ZDHHC14: variants seen among roughly 807,000 people sequenced by gnomAD.
ZDHHC14 encodes the protein palmitoyltransferase ZDHHC14.
A neutral mutation model predicts 47.7 loss-of-function variants in ZDHHC14; 16 were observed. The observed-to-expected ratio is 0.34, with a 90% CI of 0.23 to 0.51. ZDHHC14 has a LOEUF of 0.51. ZDHHC14 is among the 20% of genes least tolerant of loss of function. The pLI, the probability that ZDHHC14 is intolerant of heterozygous loss-of-function variation, is 0.97. For synonymous variants in ZDHHC14, 293 were observed against 278.9 expected, an observed-to-expected ratio of 1.05 and a Z score of -0.50; for missense variants, 515 against 662.5, an observed-to-expected ratio of 0.78 and a Z score of 2.44.
intron 2 of ZDHHC14, among the ~76,000 whole-genome samples, chr6:157,588,115 C>G (rs548175846): frequency 6.6e-6 from 1 of 151,930 alleles, no homozygotes; most frequent in African/African-American, 2.4e-5. Flanking sequence ...CAAAAATTAG[C>G]TGGGCGTGGT....
intron 1 of ZDHHC14, among the ~76,000 whole-genome samples, chr6:157,522,689 TAAG>T (rs1368160067): frequency 4.0e-5 from 6 of 151,576 alleles, no homozygotes; most frequent in East Asian, 1.9e-4. Flanking sequence ...CTACTCACTG[TAAG>T]AAGTTTTTTT....
chr6:157,531,716 G>A (rs1261459122), intron 1 of ZDHHC14, among the ~76,000 whole-genome samples: 14 of 152,110 alleles, frequency 9.2e-5, no homozygotes, highest in South Asian at 2.1e-4. Flanking sequence ...GCTGTGTGCC[G>A]AGTGCCTGAA....
intron 3 of ZDHHC14, among the ~76,000 whole-genome samples, chr6:157,609,901 C>T (rs1193340492): frequency 6.6e-6 from 1 of 152,218 alleles, no homozygotes; most frequent in Non-Finnish European, 1.5e-5. Context: ...TCTGCTCACC[C>T]AGGCCTGCCT....
chr6:157,408,516 G>A lies in ZDHHC14; in HGVS notation c.245+26250G>A, dbSNP rs145316253. Reference sequence around the variant, plus strand: ...CTCCCTGTGTCCATGTGTTTTCATCGTTCAGCTCCCACTTCTAAGTGAGAA... The same window carrying A: ...CTCCCTGTGTCCATGTGTTTTCATCATTCAGCTCCCACTTCTAAGTGAGAA... On this transcript the variant is annotated intron_variant, in intron 1 of 8. Transcript: ENST00000359775. 7.1e-3 allele frequency among the ~76,000 whole-genome samples: 1,081 copies of A among 152,146 alleles called. 8 individuals carry two copies. The highest frequency in any genetic ancestry group is 0.012 in the Non-Finnish European group (797 of 68,006).
chr6:157,603,776 A>T, intron 3 of ZDHHC14, among the ~76,000 whole-genome samples: 1 of 152,110 alleles, frequency 6.6e-6, no homozygotes, highest in East Asian at 1.9e-4. Flanking sequence ...GGCTGAAGGG[A>T]GGGCAGCTAC....
chr6:157,523,372 C>T (rs1781029575), intron 1 of ZDHHC14, among the ~76,000 whole-genome samples: 1 of 152,130 alleles, frequency 6.6e-6, no homozygotes, highest in African/African-American at 2.4e-5. Context: ...TTCTCTTCAG[C>T]CTTCATTGCT....
chr6:157,436,757 G>A lies in ZDHHC14; in HGVS notation c.245+54491G>A, dbSNP rs1333563062. Among the ~76,000 whole-genome samples, 4 of 152,262 alleles carry A rather than the reference G, an allele frequency of 2.6e-5. No individual in the cohort carries two copies. In the East Asian group the frequency reaches 5.8e-4, roughly 22 times the overall value. On this transcript the variant is annotated intron_variant, in intron 1 of 8. Transcript: ENST00000359775. ...TCATGGGAAGAGGGAAGCCAGGCAC[G>A]TTTGCTTCAGGAAGATGATGAGTTC...
intron 1 of ZDHHC14, among the ~76,000 whole-genome samples, chr6:157,391,604 C>A (rs1187170496): frequency 6.6e-6 from 1 of 152,204 alleles, no homozygotes; most frequent in Non-Finnish European, 1.5e-5. Flanking sequence ...CACATATGGC[C>A]ATTAATGTGG....
At chr6:157,584,329 G>C (rs143512018) in intron 2 of ZDHHC14, among the ~76,000 whole-genome samples, 2 of 152,178 alleles carry the variant, frequency 1.3e-5, no homozygotes, top group Admixed American at 6.5e-5. Context: ...TGCCAGCATA[G>C]TGACTAGGCC....
Position 157,672,831 on chromosome 6 carries a change from C to G in ZDHHC14, c.1176C>G (p.Pro392=), listed in dbSNP as rs758338315. The part of the protein sequence containing the change: ...PSLTSDELHL[P]GKPGLGTPCA... ...TCACCAGCGACGAGCTGCACCTGCCCGGGAAGCCTGGCCTGGGCACGCCCT... is the reference window on the plus strand; with the variant it reads ...TCACCAGCGACGAGCTGCACCTGCCGGGGAAGCCTGGCCTGGGCACGCCCT... The change falls in exon 9 of 9, where the codon CCC becomes CCG. Residue 392 remains proline, a synonymous_variant. Coordinates refer to ENST00000359775, the MANE Select transcript of ZDHHC14 (RefSeq NM_024630.3). The G allele has an allele frequency of 6.2e-7, 1 of 1,611,598 alleles. No homozygotes were observed. Among genetic ancestry groups the G allele is most frequent in the African/African-American group, 1.3e-5 (1 of 74,868 alleles).
At chr6:157,436,680 C>T (rs958905322) in intron 1 of ZDHHC14, among the ~76,000 whole-genome samples, 8 of 151,970 alleles carry the variant, frequency 5.3e-5, no homozygotes, top group East Asian at 3.9e-4. Context: ...AGTGAACTAA[C>T]GGAGAGGGAC....
chr6:157,644,632 C>G (rs1421090864), intron 5 of ZDHHC14, among the ~76,000 whole-genome samples: 2 of 152,194 alleles, frequency 1.3e-5, no homozygotes, highest in Non-Finnish European at 2.9e-5. Context: ...TGTGCTCAGC[C>G]CTCTGGTCTA....
chr6:157,494,469 C>T (rs748378903), intron 1 of ZDHHC14, among the ~76,000 whole-genome samples: 1 of 152,204 alleles, frequency 6.6e-6, no homozygotes, highest in African/African-American at 2.4e-5. Context: ...CTGATTTCCA[C>T]TTGAAAGATG....
chr6:157,512,495 CA>C lies in ZDHHC14; in HGVS notation c.246-30089del, dbSNP rs529548539. Among the ~76,000 whole-genome samples the C allele has an allele frequency of 1.3e-4, 20 of 152,338 alleles. 1 individual carries two copies. In the East Asian group the frequency reaches 3.5e-3, roughly 26 times the overall value. On this transcript the variant is annotated intron_variant, in intron 1 of 8. Transcript: ENST00000359775. ...CGTGGCTCACAGTTCATGCGTGAGCCACACACACATGCACACTTTGTTGGGA... is the reference window on the plus strand; with the variant it reads ...CGTGGCTCACAGTTCATGCGTGAGCCCACACACATGCACACTTTGTTGGGA...
chr6:157,610,182 C>T (rs1351437690), intron 3 of ZDHHC14, among the ~76,000 whole-genome samples: 1 of 152,210 alleles, frequency 6.6e-6, no homozygotes, highest in African/African-American at 2.4e-5. Context: ...CAGTGGCTCA[C>T]ACCTGTAATC....
At chr6:157,402,344 G>A (rs1023478973) in intron 1 of ZDHHC14, among the ~76,000 whole-genome samples, 2 of 151,788 alleles carry the variant, frequency 1.3e-5, no homozygotes, top group African/African-American at 4.8e-5. Flanking sequence ...AGTGAGATGC[G>A]CACCTGCTGA....
At chr6:157,664,618 G>A (rs570727392) in intron 8 of ZDHHC14, among the ~76,000 whole-genome samples, 344 of 152,304 alleles carry the variant, frequency 2.3e-3, no homozygotes, top group Non-Finnish European at 3.6e-3. Flanking sequence ...GTTAGGATGG[G>A]TCTAGGGTCT....
intron 3 of ZDHHC14, among the ~76,000 whole-genome samples, chr6:157,608,757 C>T (rs1478578629): frequency 6.6e-6 from 1 of 152,168 alleles, no homozygotes; most frequent in Non-Finnish European, 1.5e-5. Context: ...TTATCAAATG[C>T]ATGCTTCAAA....
In ZDHHC14 at chr6:157,444,655, G is replaced by T. The variant is rs1040352259; in HGVS notation, c.245+62389G>T. Among the ~76,000 whole-genome samples the T allele has an allele frequency of 9.9e-4, 149 of 151,166 alleles. 1 individual carries two copies. Among genetic ancestry groups the T allele is most frequent in the Non-Finnish European group, 1.2e-3 (80 of 67,868 alleles). On this transcript the variant is annotated intron_variant, in intron 1 of 8. Coordinates refer to ENST00000359775, the MANE Select transcript of ZDHHC14 (RefSeq NM_024630.3). Reference sequence around the variant, plus strand: ...ATTGCACCATTGCACCCCAGCCTGGGCGACCGAGAGAGACTCCGTCAAAAA... The same window carrying T: ...ATTGCACCATTGCACCCCAGCCTGGTCGACCGAGAGAGACTCCGTCAAAAA...
Sources: allele counts gnomAD v4.1 joint callset (sites outside exome capture counted in the v4.1 genomes callset), GRCh38; gene constraint gnomAD v4.1.1; transcripts MANE v1.5; gene names NCBI Gene and HGNC (gene_info 2026-07-23, HGNC 2026-07-21).